Variants in ITGB3 observed in about 807,000 individuals in gnomAD.
ITGB3 encodes the protein integrin subunit beta 3.
ITGB3 carries 48 observed loss-of-function variants against 85.8 expected under a neutral mutation model. The observed-to-expected ratio is 0.56, with a 90% CI of 0.44 to 0.71. The LOEUF is 0.71. Ranked by LOEUF, ITGB3 falls within the 30% of genes least tolerant of loss-of-function variation. ITGB3 has a pLI of 0.00. For missense variants in ITGB3, 861 were observed against 1,019.1 expected, an observed-to-expected ratio of 0.84 and a Z score of 2.11; for synonymous variants, 363 against 395.6, an observed-to-expected ratio of 0.92 and a Z score of 0.98.
intron 2 of ITGB3, among the ~76,000 whole-genome samples, chr17:47,281,044 T>C (rs1440703710): frequency 6.6e-6 from 1 of 152,216 alleles, no homozygotes; most frequent in Non-Finnish European, 1.5e-5. Flanking sequence ...GGGTTCCTTA[T>C]TTGTGAAGCC....
chr17:47,274,412 G>T lies in ITGB3; in HGVS notation c.80-7G>T. 6.2e-7 allele frequency: 1 copy of T among 1,611,878 alleles called. No individual in the cohort carries two copies. Among genetic ancestry groups the T allele is most frequent in the Non-Finnish European group, 8.5e-7 (1 of 1,179,812 alleles). On this transcript the variant is annotated splice_region_variant and splice_polypyrimidine_tract_variant and intron_variant, in intron 1 of 14. Transcript: ENST00000559488. ...CTGGTGCTAATGCCTTTGTCTGTCT[G>T]TTGCAGGGCCCAACATCTGTACCAC... is the stretch of plus-strand genomic sequence containing the variant.
Position 47,306,338 on chromosome 17 carries a change from G to A in ITGB3, c.2135-1133G>A, listed in dbSNP as rs148899157. ...CATCCAGGCTGGAGAGCAGTGGCAC[G>A]ATCATGGCTCACTATGACCTTGACC... On this transcript the variant is annotated intron_variant, in intron 13 of 14. Coordinates refer to ENST00000559488, the MANE Select transcript of ITGB3 (RefSeq NM_000212.3). 3.0e-3 allele frequency among the ~76,000 whole-genome samples: 452 copies of A among 152,316 alleles called. 15 individuals carry two copies. The East Asian group carries it at 0.048, about 16-fold the overall frequency.
chr17:47,259,144 A>AG lies in ITGB3; in HGVS notation c.79+5205dup, dbSNP rs2065000464. Among the ~76,000 whole-genome samples the AG allele has an allele frequency of 3.3e-5, 5 of 152,326 alleles. No individual in the cohort carries two copies. The South Asian group carries it at 1.0e-3, about 32-fold the overall frequency. On this transcript the variant is annotated intron_variant, in intron 1 of 14. Coordinates refer to ENST00000559488, the MANE Select transcript of ITGB3 (RefSeq NM_000212.3). ...AAGTAGTTAAAGACTTCAGGATACTAGAGAGGATTCTGTAGCAACCAACAC... is the reference window on the plus strand; with the variant it reads ...AAGTAGTTAAAGACTTCAGGATACTAGGAGAGGATTCTGTAGCAACCAACAC...
rs72547409 is a variant in ITGB3, at chr17:47,283,534, C to T, written c.346C>T (p.Leu116Phe). 2.7e-5 allele frequency: 44 copies of T among 1,614,068 alleles called. No individual in the cohort carries two copies. In the African/African-American group the frequency reaches 3.7e-4, roughly 14 times the overall value. The change falls in exon 3 of 15, where the codon CTC (leucine) becomes TTC (phenylalanine). Residue 116 changes from leucine to phenylalanine, a missense_variant. Transcript: ENST00000559488. ...TCAAGTCAGTCCCCAGAGGATTGCA[C>T]TCCGGCTCCGGCCAGGTAGGGCTGG... ...VTQVSPQRIA[L>F]RLRPDDSKNF...
chr17:47,310,242 C>T lies in ITGB3; in HGVS notation c.*38C>T, dbSNP rs765015399. 6.3e-7 allele frequency: 1 copy of T among 1,577,354 alleles called. No individual in the cohort carries two copies. The highest frequency in any genetic ancestry group is 8.7e-7 in the Non-Finnish European group (1 of 1,146,798). The stretch of plus-strand genomic sequence containing the variant: ...ATCCTCAGATCATTATCAGCCTGTG[C>T]CACGATTGCAGGAGTCCCTGCCATC... On this transcript the variant is annotated 3_prime_UTR_variant, in exon 15 of 15. Coordinates refer to ENST00000559488, the MANE Select transcript of ITGB3 (RefSeq NM_000212.3).
rs1555573410 is a variant in ITGB3 at position 47,300,336 on chromosome 17, C to CGCGCGCGCGCGCGCGT, written c.1914-131_1914-130insCGCGTGCGCGCGCGCG. 10 of 364,326 alleles carry CGCGCGCGCGCGCGCGT rather than the reference C, an allele frequency of 2.7e-5. No individual in the cohort carries two copies. In the African/African-American group the frequency reaches 4.2e-4, roughly 15 times the overall value. 22.6% of individuals were successfully genotyped at this position (364,326 alleles called of 1,614,324 possible). On this transcript the variant is annotated intron_variant, in intron 11 of 14. Coordinates refer to ENST00000559488, the MANE Select transcript of ITGB3 (RefSeq NM_000212.3). The stretch of plus-strand genomic sequence containing the variant: ...CAGGTCCCCAGGATTGTCTTACAGG[C>CGCGCGCGCGCGCGCGT]GCGCGCGCGCGTGTGTGTGTGTGTG...
Position 47,301,522 on chromosome 17 carries a change from A to G in ITGB3, c.2014+944A>G, listed in dbSNP as rs546837023. Among the ~76,000 whole-genome samples the G allele has an allele frequency of 2.0e-5, 3 of 152,286 alleles. No individual in the cohort carries two copies. In the South Asian group the frequency reaches 6.2e-4, roughly 32 times the overall value. ...TCCTCTGGAGGAGATTAGGCTTGCTATGATTAGTTCAGAGAGGAGAGGCTG... is the reference window on the plus strand; with the variant it reads ...TCCTCTGGAGGAGATTAGGCTTGCTGTGATTAGTTCAGAGAGGAGAGGCTG... On this transcript the variant is annotated intron_variant, in intron 12 of 14. Coordinates refer to ENST00000559488, the MANE Select transcript of ITGB3 (RefSeq NM_000212.3).
In ITGB3 at chr17:47,264,255, T is replaced by A. The variant is rs187862653; in HGVS notation, c.80-10164T>A. On this transcript the variant is annotated intron_variant, in intron 1 of 14. Coordinates refer to ENST00000559488, the MANE Select transcript of ITGB3 (RefSeq NM_000212.3). ...CAGCAAATGGCAGCTTTGCTCTGTT[T>A]AAAATTTAGGCCCACTTAGCCACTC... is the stretch of plus-strand genomic sequence containing the variant. Among the ~76,000 whole-genome samples, 701 of 152,274 alleles carry A rather than the reference T, an allele frequency of 4.6e-3. 4 individuals are homozygous for A. The highest frequency in any genetic ancestry group is 0.017 in the Middle Eastern group (5 of 292).
At chr17:47,306,604 T>C (rs1266833340) in intron 13 of ITGB3, among the ~76,000 whole-genome samples, 1 of 152,222 alleles carries the variant, frequency 6.6e-6, no homozygotes, top group Non-Finnish European at 1.5e-5. Flanking sequence ...GAGACTAATA[T>C]GAAATTTTAG....
chr17:47,290,193 T>G lies in ITGB3; in HGVS notation c.1044T>G (p.Ser348Arg). The G allele has an allele frequency of 1.2e-6, 2 of 1,613,706 alleles. No individual in the cohort carries two copies. The highest frequency in any genetic ancestry group is 1.7e-6 in the Non-Finnish European group (2 of 1,179,592). ...ENVVNLYQNY[S>R]ELIPGTTVGV... ...TTTGTTTTCCTTTCTAGAACTATAGTGAGCTCATCCCAGGGACCACAGTTG... is the reference window on the plus strand; with the variant it reads ...TTTGTTTTCCTTTCTAGAACTATAGGGAGCTCATCCCAGGGACCACAGTTG... Residue 348 changes from serine (S) to arginine (R), a missense_variant, in exon 8 of 15, where the codon AGT becomes AGG. By Grantham distance (110) the Ser-to-Arg change is moderately radical. Transcript: ENST00000559488.
intron 3 of ITGB3, among the ~76,000 whole-genome samples, chr17:47,284,149 G>A (rs1029710781): frequency 6.6e-6 from 1 of 152,206 alleles, no homozygotes. Flanking sequence ...AGTCTGAAGT[G>A]TAGTAACTAT....
intron 1 of ITGB3, among the ~76,000 whole-genome samples, 181 bp downstream of exon 1, chr17:47,254,121 C>T (rs903584762): frequency 6.6e-6 from 1 of 152,122 alleles, no homozygotes; most frequent in African/African-American, 2.4e-5. Flanking sequence ...CCGGCGGTGG[C>T]GGGGCTGAGA....
intron 10 of ITGB3, among the ~76,000 whole-genome samples, chr17:47,293,777 T>C (rs2065136217): frequency 1.3e-5 from 2 of 152,258 alleles, no homozygotes; most frequent in South Asian, 4.1e-4. Flanking sequence ...CCAGCTAATT[T>C]TGGTATTTTT....
Position 47,312,297 on chromosome 17 carries a change from C to T in ITGB3, c.*2093C>T, listed in dbSNP as rs2065218429. On this transcript the variant is annotated 3_prime_UTR_variant, in exon 15 of 15. Transcript: ENST00000559488. ...TATCTATTCTGTATTATTGTGTTAA[C>T]ATTGAGAATAAGCCTTGGAATTAGA... Among the ~76,000 whole-genome samples, 1 of 152,150 alleles carries T rather than the reference C, an allele frequency of 6.6e-6. No homozygotes were observed. Among genetic ancestry groups the T allele is most frequent in the East Asian group, 1.9e-4 (1 of 5,204 alleles).
In ITGB3 at chr17:47,283,544, G is replaced by C; in HGVS notation, c.356G>C (p.Arg119Pro). Residue 119 changes from arginine to proline, a missense_variant, in exon 3 of 15, where the codon CGG becomes CCG. Arg to Pro is a moderately radical substitution (Grantham distance 103, BLOSUM62 -2). Transcript: ENST00000559488. ...CCCCAGAGGATTGCACTCCGGCTCC[G>C]GCCAGGTAGGGCTGGGACTCTTTGC... ...VSPQRIALRL[R>P]PDDSKNFSIQ... 6.2e-7 allele frequency: 1 copy of C among 1,614,150 alleles called. No individual in the cohort carries two copies. The highest frequency in any genetic ancestry group is 8.5e-7 in the Non-Finnish European group (1 of 1,180,018).
At chr17:47,257,956 G>A (rs58847127) in intron 1 of ITGB3, among the ~76,000 whole-genome samples, 1 of 152,106 alleles carries the variant, frequency 6.6e-6, no homozygotes, top group African/African-American at 2.4e-5. Flanking sequence ...TTTCCTGATC[G>A]AAATTTCTCC....
At chr17:47,277,861 T>C (rs7217214) in intron 2 of ITGB3, among the ~76,000 whole-genome samples, 25,405 of 152,226 alleles carry the variant, frequency 0.17, 2,307 homozygotes, top group Admixed American at 0.2. Flanking sequence ...TCTCTGCAAC[T>C]GCAGGAGCAA....
intron 1 of ITGB3, among the ~76,000 whole-genome samples, chr17:47,254,249 C>T (rs1011700445): frequency 3.3e-5 from 5 of 152,050 alleles, no homozygotes; most frequent in African/African-American, 1.2e-4. Context: ...GCCCCGCGCT[C>T]ACCCGGGGCT....
Position 47,289,703 on chromosome 17 carries a change from T to C in ITGB3, c.962T>C (p.Met321Thr). 1 of 1,613,704 alleles carries C rather than the reference T, an allele frequency of 6.2e-7. No individual in the cohort carries two copies. Among genetic ancestry groups the C allele is most frequent in the East Asian group, 2.2e-5 (1 of 44,886 alleles). Reference protein sequence around the residue: ...TTMDYPSLGLMTEKLSQKNIN... With the variant: ...TTMDYPSLGLTTEKLSQKNIN... ...TAGGATTATCCCTCTTTGGGGCTGA[T>C]GACTGAGAAGCTATCCCAGAAAAAC... is the stretch of plus-strand genomic sequence containing the variant. Residue 321 changes from methionine to threonine, a missense_variant, in exon 7 of 15, where the codon ATG (methionine) becomes ACG (threonine). Physicochemically the swap from Met to Thr is moderately conservative, Grantham distance 81 (BLOSUM62 -1). Coordinates refer to ENST00000559488, the MANE Select transcript of ITGB3 (RefSeq NM_000212.3).
Sources: gnomAD v4.1 joint callset for allele counts (sites outside exome capture counted in the v4.1 genomes callset) on GRCh38, gnomAD v4.1.1 for gene constraint, MANE v1.5 for transcripts, NCBI Gene and HGNC (gene_info 2026-07-23, HGNC 2026-07-21) for gene names.